IQSEC1: variants seen among roughly 807,000 people sequenced by gnomAD.
IQSEC1 encodes the protein IQ motif and Sec7 domain ArfGEF 1.
A neutral mutation model predicts 91.0 loss-of-function variants in IQSEC1; 31 were observed. That is an observed-to-expected ratio of 0.34 (90% CI 0.26 to 0.46). The LOEUF is 0.46. IQSEC1 is among the 20% of genes least tolerant of loss of function. IQSEC1 has a pLI of 1.00. For synonymous variants in IQSEC1, 699 were observed against 662.6 expected (o/e 1.05, Z -0.84); for missense variants, 1,388 against 1,575.6 (o/e 0.88, Z 2.02).
At chr3:13,016,440 C>T (rs1053847991) in intron 1 of IQSEC1, among the ~76,000 whole-genome samples, 13 of 152,220 alleles carry the variant, frequency 8.5e-5, no homozygotes, top group South Asian at 8.3e-4. Context: ...CACAGCAGCC[C>T]GGGTGACGGT....
At chr3:13,271,899 A>G (rs1695596106) in intron 1 of IQSEC1, among the ~76,000 whole-genome samples, 1 of 152,238 alleles carries the variant, frequency 6.6e-6, no homozygotes, top group South Asian at 2.1e-4. Context: ...AGGCAGACCA[A>G]CAAGGAAATA....
chr3:12,926,305 A>G (rs1188634589), intron 3 of IQSEC1, among the ~76,000 whole-genome samples: 3 of 72,470 alleles, frequency 4.1e-5, no homozygotes. Context: ...GCAAGACTCC[A>G]TGTCAAAAAA....
At chr3:12,958,375 C>T (rs1251325648) in intron 1 of IQSEC1, among the ~76,000 whole-genome samples, 1 of 152,206 alleles carries the variant, frequency 6.6e-6, no homozygotes, top group East Asian at 1.9e-4. Flanking sequence ...CAGGCAGGAG[C>T]TGTGTGGCCC....
chr3:13,177,315 A>G (rs199825471), intron 1 of IQSEC1, among the ~76,000 whole-genome samples: 1 of 152,256 alleles, frequency 6.6e-6, no homozygotes, highest in African/African-American at 2.4e-5. Context: ...AGCTGGGCCT[A>G]CAGCAAGAAT....
intron 8 of IQSEC1, among the ~76,000 whole-genome samples, chr3:12,914,241 G>A (rs1195146513): frequency 6.6e-6 from 1 of 152,212 alleles, no homozygotes; most frequent in Non-Finnish European, 1.5e-5. Flanking sequence ...CTCCCAACAC[G>A]GTCATAGCTC....
At chr3:12,953,047 G>A (rs1407122435) in intron 1 of IQSEC1, among the ~76,000 whole-genome samples, 1 of 152,264 alleles carries the variant, frequency 6.6e-6, no homozygotes, top group East Asian at 1.9e-4. Context: ...AGGGAGGCCA[G>A]TCAGCTGCTG....
intron 1 of IQSEC1, among the ~76,000 whole-genome samples, chr3:13,071,154 T>G (rs1321703502): frequency 8.1e-5 from 3 of 36,974 alleles, no homozygotes; most frequent in Admixed American, 4.4e-4. Context: ...TTTTTTTTTG[T>G]TTTTTTTTTT....
intron 1 of IQSEC1, among the ~76,000 whole-genome samples, chr3:13,229,788 G>C (rs1227883595): frequency 2.0e-5 from 3 of 152,214 alleles, no homozygotes; most frequent in African/African-American, 7.2e-5. Context: ...GCACAGCTCA[G>C]CCAGCACCTC....
Position 12,899,841 on chromosome 3 carries a change from A to C in IQSEC1, c.*1142T>G, listed in dbSNP as rs1265747059. The C allele has an allele frequency of 2.0e-6, 2 of 985,066 alleles. No homozygotes were observed. Among genetic ancestry groups the C allele is most frequent in the Non-Finnish European group, 2.4e-6 (2 of 829,882 alleles). The allele number at this position is 985,066 out of a possible 1,614,324, so 61.0% of individuals were successfully genotyped here. On this transcript the variant is annotated 3_prime_UTR_variant, in exon 14 of 14. Coordinates refer to ENST00000613206, the MANE Select transcript of IQSEC1 (RefSeq NM_001134382.3). Reference sequence around the variant, plus strand: ...GGGTTGGAGGCGGGATGAGGACGTTATGGTGTTGGGGAGACGAGGATGAGA... The same window carrying C: ...GGGTTGGAGGCGGGATGAGGACGTTCTGGTGTTGGGGAGACGAGGATGAGA...
chr3:13,246,663 C>T (rs1695113436), intron 1 of IQSEC1, among the ~76,000 whole-genome samples: 3 of 152,214 alleles, frequency 2.0e-5, no homozygotes, highest in Admixed American at 1.3e-4. Flanking sequence ...CTGTGCCCTG[C>T]TCTGTGGATC....
At chr3:13,210,289 G>A (rs1694420629) in intron 1 of IQSEC1, among the ~76,000 whole-genome samples, 3 of 151,826 alleles carry the variant, frequency 2.0e-5, no homozygotes, top group Admixed American at 2.0e-4. Context: ...CCGGGACAGG[G>A]TAGGTCGTGC....
At chr3:13,030,024 G>A (rs1229632407) in intron 1 of IQSEC1, among the ~76,000 whole-genome samples, 1 of 152,106 alleles carries the variant, frequency 6.6e-6, no homozygotes. Context: ...GACTGGTCTT[G>A]AACTCCTGGC....
At chr3:12,918,527 A>C (rs1696321993) in intron 6 of IQSEC1, among the ~76,000 whole-genome samples, 2 of 152,172 alleles carry the variant, frequency 1.3e-5, no homozygotes, top group African/African-American at 2.4e-5. Context: ...TAAGAAAAAA[A>C]AAACCTGGCC....
intron 1 of IQSEC1, among the ~76,000 whole-genome samples, chr3:13,049,303 G>A (rs1307398748): frequency 6.6e-6 from 1 of 152,190 alleles, no homozygotes; most frequent in Non-Finnish European, 1.5e-5. Context: ...GGCCCCACAG[G>A]CAGAGCCCAC....
At chr3:13,011,225 C>T (rs1702870042) in intron 1 of IQSEC1, among the ~76,000 whole-genome samples, 1 of 152,214 alleles carries the variant, frequency 6.6e-6, no homozygotes, top group African/African-American at 2.4e-5. Context: ...AGACACAGGG[C>T]TGAAAGACCC....
At chr3:13,048,246 C>T (rs1331748656) in intron 1 of IQSEC1, among the ~76,000 whole-genome samples, 1 of 152,334 alleles carries the variant, frequency 6.6e-6, no homozygotes, top group East Asian at 1.9e-4. Flanking sequence ...AAAGGACTGT[C>T]TCTTGTCTGC....
At chr3:12,920,020 G>A (rs552809332) in intron 6 of IQSEC1, among the ~76,000 whole-genome samples, 51 of 152,346 alleles carry the variant, frequency 3.3e-4, no homozygotes, top group South Asian at 8.3e-4. Context: ...AGAAAAGAAA[G>A]AATGTATAAT....
At chr3:12,974,813 C>G (rs901982766) in intron 1 of IQSEC1, among the ~76,000 whole-genome samples, 2 of 146,838 alleles carry the variant, frequency 1.4e-5, no homozygotes, top group Admixed American at 1.3e-4. Context: ...GGAGCCACAG[C>G]AGCACCCTCA....
At chr3:13,255,444 C>T (rs1014493878) in intron 1 of IQSEC1, among the ~76,000 whole-genome samples, 1 of 152,176 alleles carries the variant, frequency 6.6e-6, no homozygotes, top group Non-Finnish European at 1.5e-5. Context: ...AATATGTGCC[C>T]AGATTCAAAT....
Sources: allele counts gnomAD v4.1 joint callset (sites outside exome capture counted in the v4.1 genomes callset), GRCh38; gene constraint gnomAD v4.1.1; transcripts MANE v1.5; gene names NCBI Gene and HGNC (gene_info 2026-07-23, HGNC 2026-07-21).